The following PRKN variants were observed in gnomAD, a reference collection of about 807,000 sequenced individuals.
PRKN encodes E3 ubiquitin-protein ligase parkin.
Under a neutral mutation model 59.5 loss-of-function variants are expected in PRKN, and 56 were observed. That is an observed-to-expected ratio of 0.94 (90% CI 0.76 to 1.18). The LOEUF (loss-of-function observed/expected upper bound fraction) is 1.18, where lower values mean the gene tolerates loss of function less well. PRKN is among the 50% of genes most tolerant of loss of function. PRKN has a pLI of 0.00. For missense variants in PRKN, 657 were observed against 596.4 expected, an observed-to-expected ratio of 1.10 and a Z score of -1.06; for synonymous variants, 250 against 222.1, an observed-to-expected ratio of 1.13 and a Z score of -1.12.
intron 4 of PRKN, among the ~76,000 whole-genome samples, chr6:162,194,542 C>T (rs968415584): frequency 2.0e-5 from 3 of 152,068 alleles, no homozygotes; most frequent in African/African-American, 7.2e-5. Context: ...GATACTGATG[C>T]CCTGAAATGG....
At chr6:161,975,091 T>C (rs1213180445) in intron 5 of PRKN, among the ~76,000 whole-genome samples, 1 of 125,792 alleles carries the variant, frequency 7.9e-6, no homozygotes, top group Non-Finnish European at 1.7e-5. Context: ...ACTTCTTTTT[T>C]TTTTTTTTTT....
In PRKN at chr6:161,582,049, C is replaced by T. The variant is rs1047141047; in HGVS notation, c.872-12633G>A. ...CTTAACTTGTTACTCCCCAGCTCAC[C>T]GTGCCCAGAGCTCCACGCATGACTG... On this transcript the variant is annotated intron_variant, in intron 7 of 11. Coordinates refer to ENST00000366898, the MANE Select transcript of PRKN (RefSeq NM_004562.3). This position sits in a 1 kb window ranked among gnomAD's most constrained non-coding sequence, Gnocchi z 4.4. 6.6e-6 allele frequency among the ~76,000 whole-genome samples: 1 copy of T among 152,136 alleles called. No individual in the cohort carries two copies. The highest frequency in any genetic ancestry group is 1.9e-4 in the East Asian group (1 of 5,186).
intron 6 of PRKN, among the ~76,000 whole-genome samples, chr6:161,968,090 G>C (rs959643118): frequency 6.6e-6 from 1 of 151,710 alleles, no homozygotes; most frequent in Admixed American, 6.6e-5. Context: ...GTGTGATCAC[G>C]CCTCAGTGCA....
At chr6:161,966,054 C>A (rs1004966275) in intron 6 of PRKN, among the ~76,000 whole-genome samples, 12 of 151,978 alleles carry the variant, frequency 7.9e-5, no homozygotes, top group African/African-American at 2.9e-4. Flanking sequence ...TTTTCCCCCA[C>A]AAAGGACAGC....
At chr6:161,853,165 A>G (rs1793506433) in intron 6 of PRKN, among the ~76,000 whole-genome samples, 1 of 152,222 alleles carries the variant, frequency 6.6e-6, no homozygotes, top group African/African-American at 2.4e-5. Context: ...TGATATTAAT[A>G]TGGCAATATG....
chr6:162,466,854 C>T (rs1305668558), intron 1 of PRKN, among the ~76,000 whole-genome samples: 1 of 151,582 alleles, frequency 6.6e-6, no homozygotes, highest in Non-Finnish European at 1.5e-5. Context: ...GGTAATTCAT[C>T]ACTGCTAAGT....
chr6:162,230,137 C>A (rs528669381), intron 3 of PRKN, among the ~76,000 whole-genome samples: 9 of 152,258 alleles, frequency 5.9e-5, no homozygotes, highest in African/African-American at 1.7e-4. Flanking sequence ...CTTTGAATAG[C>A]AAGGTTGTAG....
chr6:162,436,882 A>G (rs999762732), intron 2 of PRKN, among the ~76,000 whole-genome samples: 1 of 151,984 alleles, frequency 6.6e-6, no homozygotes, highest in Non-Finnish European at 1.5e-5. Context: ...ACCTGAGGTC[A>G]GGAGTTCAAG....
chr6:162,373,171 C>T (rs987554278), intron 2 of PRKN, among the ~76,000 whole-genome samples: 9 of 152,204 alleles, frequency 5.9e-5, no homozygotes, highest in African/African-American at 1.4e-4. Flanking sequence ...AAATGGTTAA[C>T]GATGTGTAAC....
In PRKN at chr6:161,417,178, G is replaced by A. The variant is rs538146940; in HGVS notation, c.1084-30301C>T. Among the ~76,000 whole-genome samples, 1 of 152,276 alleles carries A rather than the reference G, an allele frequency of 6.6e-6. No homozygotes were observed. The highest frequency in any genetic ancestry group is 2.1e-4 in the South Asian group (1 of 4,828). On this transcript the variant is annotated intron_variant, in intron 9 of 11. Coordinates refer to ENST00000366898, the MANE Select transcript of PRKN (RefSeq NM_004562.3). The surrounding 1 kb of genome is among the most constrained non-coding windows in gnomAD (Gnocchi z 5.4). ...TGTAAAGTCATCTAACGGGCTTGGCGCAGTGGCTCACGCCTGTAATCCCAG... is the reference window on the plus strand; with the variant it reads ...TGTAAAGTCATCTAACGGGCTTGGCACAGTGGCTCACGCCTGTAATCCCAG...
chr6:162,359,073 A>ATATATAT (rs201385403), intron 2 of PRKN, among the ~76,000 whole-genome samples: 23 of 89,708 alleles, frequency 2.6e-4, no homozygotes, highest in African/African-American at 4.7e-4. Context: ...AAAAAAAAAA[A>ATATATAT]AAAAAAATAT....
intron 3 of PRKN, among the ~76,000 whole-genome samples, chr6:162,259,043 C>T (rs1779774233): frequency 6.6e-6 from 1 of 152,178 alleles, no homozygotes; most frequent in South Asian, 2.1e-4. Context: ...CACTTATATT[C>T]TTCGAAGTTA....
intron 2 of PRKN, among the ~76,000 whole-genome samples, chr6:162,429,540 C>T (rs1789409658): frequency 1.3e-5 from 2 of 152,092 alleles, no homozygotes; most frequent in South Asian, 4.2e-4. Context: ...AAGCCCTGGC[C>T]TTCATGGCCT....
intron 2 of PRKN, among the ~76,000 whole-genome samples, chr6:162,319,106 C>A (rs1583370468): frequency 6.6e-6 from 1 of 151,858 alleles, no homozygotes; most frequent in East Asian, 1.9e-4. Context: ...CTGATTAAGT[C>A]ACAAATTGAT....
At chr6:162,024,286 C>T (rs901369014) in intron 5 of PRKN, among the ~76,000 whole-genome samples, 1 of 149,040 alleles carries the variant, frequency 6.7e-6, no homozygotes, top group African/African-American at 2.5e-5. Flanking sequence ...CAACCTCTGC[C>T]TCCCAGGTTC....
intron 5 of PRKN, among the ~76,000 whole-genome samples, chr6:161,980,635 T>C (rs1241134029): frequency 1.3e-5 from 2 of 152,130 alleles, no homozygotes; most frequent in Non-Finnish European, 2.9e-5. Flanking sequence ...GGCTATCTGG[T>C]TGGGAGTCTG....
At chr6:162,576,323 C>T (rs1172709481) in intron 1 of PRKN, among the ~76,000 whole-genome samples, 4 of 152,184 alleles carry the variant, frequency 2.6e-5, no homozygotes, top group Admixed American at 2.6e-4. Context: ...TCTCAAAAGG[C>T]ATGCTGTCTA....
At chr6:162,488,020 C>G (rs1423882806) in intron 1 of PRKN, among the ~76,000 whole-genome samples, 1 of 143,906 alleles carries the variant, frequency 6.9e-6, no homozygotes. Flanking sequence ...CTACATCCAC[C>G]ATTTCCCTTT....
At chr6:162,012,672 A>G (rs749766932) in intron 5 of PRKN, among the ~76,000 whole-genome samples, 1 of 152,124 alleles carries the variant, frequency 6.6e-6, no homozygotes, top group Non-Finnish European at 1.5e-5. Flanking sequence ...TTATATCTGT[A>G]ACACCCAAGC....
Sources: gnomAD v4.1 joint callset for allele counts (sites outside exome capture counted in the v4.1 genomes callset) on GRCh38, gnomAD v4.1.1 for gene constraint, Gnocchi (gnomAD v3.1) non-coding constraint, MANE v1.5 for transcripts, NCBI Gene and HGNC (gene_info 2026-07-23, HGNC 2026-07-21) for gene names.